Variants in PHACTR1 observed in about 807,000 individuals in gnomAD.
PHACTR1 encodes the protein phosphatase and actin regulator 1, also known as RPEL repeat containing 1.
A neutral mutation model predicts 69.2 loss-of-function variants in PHACTR1; 16 were observed. That is an observed-to-expected ratio of 0.23 (90% confidence interval 0.16 to 0.35). The LOEUF is 0.35. Among genes scored for constraint, PHACTR1 ranks in the 10% least tolerant of loss-of-function variants. The pLI is 1.00. For missense variants in PHACTR1, 510 were observed against 734.7 expected (o/e 0.69, Z 3.54); for synonymous variants, 312 against 284.5 (o/e 1.10, Z -0.97).
chr6:12,789,883 G>A (rs1462386990), intron 4 of PHACTR1, among the ~76,000 whole-genome samples: 4 of 150,974 alleles, frequency 2.6e-5, no homozygotes, highest in African/African-American at 7.3e-5. Context: ...CCATCAACTC[G>A]TCATTTAGCA....
chr6:12,924,869 G>A (rs1273497439), intron 4 of PHACTR1, among the ~76,000 whole-genome samples: 1 of 151,956 alleles, frequency 6.6e-6, no homozygotes, highest in African/African-American at 2.4e-5. Flanking sequence ...TGAAGAAGTG[G>A]TTTTTCTTAC....
At chr6:13,160,095 C>T (rs1758766321) in intron 5 of PHACTR1, 109 bp from the exon 6 acceptor site, 2 of 937,592 alleles carry the variant, frequency 2.1e-6, no homozygotes, top group Non-Finnish European at 3.5e-6. Flanking sequence ...GCACGATTTA[C>T]AGAAGCTTTC....
chr6:12,988,518 A>G (rs1796449168), intron 4 of PHACTR1, among the ~76,000 whole-genome samples: 3 of 152,248 alleles, frequency 2.0e-5, no homozygotes, highest in African/African-American at 7.2e-5. Context: ...AGATATGTCC[A>G]TCAGGCAATC....
chr6:12,968,779 C>A (rs184582771), intron 4 of PHACTR1, among the ~76,000 whole-genome samples: 137 of 152,282 alleles, frequency 9.0e-4, no homozygotes, highest in Non-Finnish European at 1.8e-3. Context: ...GATCCCCAGG[C>A]AAATCATGAA....
At chr6:13,169,953 T>A (rs1398484521) in intron 6 of PHACTR1, among the ~76,000 whole-genome samples, 1 of 152,202 alleles carries the variant, frequency 6.6e-6, no homozygotes, top group Non-Finnish European at 1.5e-5. Flanking sequence ...TCATATTTAT[T>A]GCGTGAAAGA....
intron 6 of PHACTR1, among the ~76,000 whole-genome samples, chr6:13,175,509 C>T (rs1240516848): frequency 6.6e-6 from 1 of 152,274 alleles, no homozygotes; most frequent in East Asian, 1.9e-4. Context: ...ATTGCAGCTG[C>T]GCTTCACCCC....
intron 4 of PHACTR1, among the ~76,000 whole-genome samples, chr6:12,859,449 C>T (rs1780724856): frequency 6.6e-6 from 1 of 152,130 alleles, no homozygotes; most frequent in Admixed American, 6.5e-5. Flanking sequence ...GTAGTTTTCA[C>T]CATGGCTTGA....
At chr6:13,203,168 G>T (rs1765456859) in intron 7 of PHACTR1, among the ~76,000 whole-genome samples, 1 of 152,208 alleles carries the variant, frequency 6.6e-6, no homozygotes, top group South Asian at 2.1e-4. Context: ...TGGGGAAGGT[G>T]TGAATTCATC....
intron 10 of PHACTR1, among the ~76,000 whole-genome samples, chr6:13,237,974 G>A (rs901174109): frequency 2.0e-5 from 3 of 152,218 alleles, no homozygotes; most frequent in Non-Finnish European, 4.4e-5. Context: ...GTTGTTATGA[G>A]GTGCATGACT....
chr6:12,807,084 C>T (rs1774432388), intron 4 of PHACTR1, among the ~76,000 whole-genome samples: 1 of 151,992 alleles, frequency 6.6e-6, no homozygotes, highest in South Asian at 2.1e-4. Context: ...ATCTCTGTTT[C>T]CCAAAACATA....
At chr6:12,816,110 A>G (rs771948698) in intron 4 of PHACTR1, among the ~76,000 whole-genome samples, 6 of 152,222 alleles carry the variant, frequency 3.9e-5, no homozygotes, top group Non-Finnish European at 7.3e-5. Context: ...CACCAATGCT[A>G]CCTTAAATGG....
intron 4 of PHACTR1, among the ~76,000 whole-genome samples, chr6:12,989,210 T>C (rs1389936652): frequency 6.6e-6 from 1 of 152,228 alleles, no homozygotes; most frequent in Non-Finnish European, 1.5e-5. Context: ...ACATCACTGC[T>C]ATTCATGTGT....
At chr6:13,144,818 G>A (rs1823076592) in intron 5 of PHACTR1, among the ~76,000 whole-genome samples, 1 of 146,410 alleles carries the variant, frequency 6.8e-6, no homozygotes, top group African/African-American at 2.5e-5. Context: ...AAAGGACCAA[G>A]AATGGTAAGA....
chr6:12,925,797 T>C (rs1294225881), intron 4 of PHACTR1, among the ~76,000 whole-genome samples: 2 of 152,078 alleles, frequency 1.3e-5, no homozygotes, highest in Non-Finnish European at 2.9e-5. Context: ...GAGCTCCCAT[T>C]TCTCTGCTCC....
intron 5 of PHACTR1, among the ~76,000 whole-genome samples, chr6:13,082,080 G>T (rs1232224672): frequency 6.6e-6 from 1 of 152,132 alleles, no homozygotes; most frequent in Non-Finnish European, 1.5e-5. Context: ...GGGATCATTT[G>T]GTCTAGGTGC....
At chr6:13,258,018 C>T (rs779719714) in intron 10 of PHACTR1, among the ~76,000 whole-genome samples, 1 of 152,118 alleles carries the variant, frequency 6.6e-6, no homozygotes, top group Non-Finnish European at 1.5e-5. Flanking sequence ...CTTCACAATC[C>T]TCAGTGCAGG....
At position 12,901,529 on chromosome 6, in the gene PHACTR1, C is replaced by G. The variant is rs1420448169; in HGVS notation, c.250+151739C>G. On this transcript the variant is annotated intron_variant, in intron 4 of 14. Coordinates refer to ENST00000332995, the MANE Select transcript of PHACTR1 (RefSeq NM_030948.6). ...GTTTGTTTTGAGATGGAGTCCTGCT[C>G]TGTCGCCCAGGCTGGAGTGCAATGG... Among the ~76,000 whole-genome samples the G allele has an allele frequency of 3.9e-5, 6 of 152,288 alleles. 2 individuals carry two copies. Among genetic ancestry groups the G allele is most frequent in the Admixed American group, 3.9e-4 (6 of 15,300 alleles).
At chr6:12,957,286 T>TGAGTTCCAGACTTCCAAGCTGC in intron 4 of PHACTR1, 1 of 661,088 alleles carries the variant, frequency 1.5e-6, no homozygotes, top group Non-Finnish European at 1.9e-6. Flanking sequence ...GCCCAGGCTG[T>TGAGTTCCAGACTTCCAAGCTGC]GAGTTCCAGA....
At chr6:13,174,998 G>T (rs1052697189) in intron 6 of PHACTR1, among the ~76,000 whole-genome samples, 2 of 152,140 alleles carry the variant, frequency 1.3e-5, no homozygotes, top group African/African-American at 2.4e-5. Context: ...CACCGAAGAT[G>T]CTCCAGAAAT....
Sources: allele counts gnomAD v4.1 joint callset (sites outside exome capture counted in the v4.1 genomes callset), GRCh38; gene constraint gnomAD v4.1.1; transcripts MANE v1.5; gene names NCBI Gene and HGNC (gene_info 2026-07-23, HGNC 2026-07-21).